ARHGAP39: variants seen among roughly 807,000 people sequenced by gnomAD.
The protein encoded by ARHGAP39 is Rho GTPase activating protein 39.
A neutral mutation model predicts 106.9 loss-of-function variants in ARHGAP39; 44 were observed. The observed-to-expected ratio is 0.41, with a 90% confidence interval of 0.32 to 0.53. The LOEUF is 0.53. Among genes scored for constraint, ARHGAP39 ranks in the 20% least tolerant of loss-of-function variants. The pLI, the probability that ARHGAP39 is intolerant of heterozygous loss-of-function variation, is 0.21. For synonymous variants in ARHGAP39, 768 were observed against 693.2 expected, an observed-to-expected ratio of 1.11 and a Z score of -1.69; for missense variants, 1,496 against 1,577.3, an observed-to-expected ratio of 0.95 and a Z score of 0.87.
intron 2 of ARHGAP39, chr8:144,584,046 T>C (rs1297037387): frequency 6.6e-6 from 1 of 152,240 alleles, no homozygotes; most frequent in African/African-American, 2.4e-5. Context: ...CAGTTTATAA[T>C]GAGATAAAGT....
intron 10 of ARHGAP39, among the ~76,000 whole-genome samples, chr8:144,531,407 G>A (rs1400055377): frequency 5.6e-4 from 1 of 1,770 alleles, no homozygotes; most frequent in African/African-American, 7.1e-3. Flanking sequence ...TAGCAGGCAC[G>A]GCAGAAGGGC....
rs1220398805 is a variant in ARHGAP39, at chr8:144,545,750, G to T, written c.2020C>A (p.Pro674Thr). 11 of 1,609,180 alleles carry T rather than the reference G, an allele frequency of 6.8e-6. No individual in the cohort carries two copies. The highest frequency in any genetic ancestry group is 9.3e-6 in the Non-Finnish European group (11 of 1,178,572). Residue 674 changes from proline to threonine, a missense_variant, in exon 6 of 12, where the codon CCC (proline) becomes ACC (threonine). This residue lies in a region of ARHGAP39 where 905 missense variants were observed against 816.4 expected (regional missense o/e 1.11). Transcript: ENST00000377307. ...ESSRQSRSGV[P>T]SSSCVFPTFT... The stretch of plus-strand genomic sequence containing the variant: ...GTGGGGAAGACGCAGCTGGAGCTGG[G>T]AACGCCGCTGCGGCTCTGCCGGCTG...
chr8:144,534,363 C>G (rs1002479853), intron 7 of ARHGAP39, among the ~76,000 whole-genome samples, 161 bp from the exon 8 acceptor site: 1 of 152,170 alleles, frequency 6.6e-6, no homozygotes, highest in African/African-American at 2.4e-5. Context: ...CTCTCCCAGG[C>G]AGTGTCCTTT....
intron 3 of ARHGAP39, among the ~76,000 whole-genome samples, chr8:144,570,864 A>G (rs1818563020): frequency 6.6e-6 from 1 of 152,196 alleles, no homozygotes. Flanking sequence ...CTCTACACAA[A>G]TAAAATAGAA....
At chr8:144,607,745 C>A (rs1287031577) in intron 1 of ARHGAP39, among the ~76,000 whole-genome samples, 1 of 152,268 alleles carries the variant, frequency 6.6e-6, no homozygotes, top group African/African-American at 2.4e-5. Flanking sequence ...CCTACCTACA[C>A]TCACGCCGCT....
Position 144,602,257 on chromosome 8 carries a change from G to C in ARHGAP39, c.80+3278C>G, listed in dbSNP as rs559249028. 5.7e-4 allele frequency among the ~76,000 whole-genome samples: 77 copies of C among 134,544 alleles called. 1 individual carries two copies. The highest frequency in any genetic ancestry group is 2.1e-3 in the African/African-American group (71 of 34,250). The allele number at this position is 134,544 out of a possible 152,430, so 88.3% of individuals were successfully genotyped here. ...CATGTGCGTGGAGGTGTGTGTGTGA[G>C]CTCATGTACCTGTGTGTGTGCGTGG... On this transcript the variant is annotated intron_variant, in intron 2 of 11. Transcript: ENST00000377307.
intron 1 of ARHGAP39, among the ~76,000 whole-genome samples, chr8:144,640,311 C>T (rs1018855778): frequency 2.4e-4 from 36 of 152,162 alleles, no homozygotes; most frequent in Middle Eastern, 6.3e-3. Context: ...CCATAATTCC[C>T]ACATGTTGGG....
chr8:144,641,006 T>C lies in ARHGAP39; in HGVS notation c.-81-35311A>G, dbSNP rs1284040544. The stretch of plus-strand genomic sequence containing the variant: ...GTCCCACTCTTCATCTATATAGACA[T>C]TACTCTATTTCTTATTTCCTACAAT... On this transcript the variant is annotated intron_variant, in intron 1 of 11. Coordinates refer to ENST00000377307, the MANE Select transcript of ARHGAP39 (RefSeq NM_025251.3). The surrounding 1 kb of genome is among the most constrained non-coding windows in gnomAD (Gnocchi z 5.2). Among the ~76,000 whole-genome samples, 2 of 152,174 alleles carry C rather than the reference T, an allele frequency of 1.3e-5. No individual in the cohort carries two copies.
At chr8:144,546,387 G>A (rs950795217) in intron 5 of ARHGAP39, among the ~76,000 whole-genome samples, 6 of 152,134 alleles carry the variant, frequency 3.9e-5, no homozygotes, top group South Asian at 2.1e-4. Context: ...ATCACGGACC[G>A]GAAGCTGCTC....
At chr8:144,689,416 T>C (rs1489136266), upstream of ARHGAP39, among the ~76,000 whole-genome samples, 1 of 144,686 alleles carries the variant, frequency 6.9e-6, no homozygotes, top group African/African-American at 2.5e-5. Flanking sequence ...AAATTTACCA[T>C]CTTAACCATC....
At chr8:144,611,874 TG>T (rs1379576476) in intron 1 of ARHGAP39, among the ~76,000 whole-genome samples, 1 of 151,834 alleles carries the variant, frequency 6.6e-6, no homozygotes, top group Non-Finnish European at 1.5e-5. Flanking sequence ...CCAGACATGG[TG>T]GGGTGCACTT....
At chr8:144,619,923 CGTGT>C (rs1371412703) in intron 1 of ARHGAP39, among the ~76,000 whole-genome samples, 2 of 92,660 alleles carry the variant, frequency 2.2e-5, no homozygotes, top group East Asian at 3.9e-4. Context: ...TGCCCGTGTG[CGTGT>C]GAGCCTGTGT....
chr8:144,590,429 C>T (rs1819347990), intron 2 of ARHGAP39, among the ~76,000 whole-genome samples: 2 of 152,152 alleles, frequency 1.3e-5, no homozygotes, highest in Admixed American at 6.5e-5. Context: ...TGAGTGAGTT[C>T]TTGTGAGATC....
chr8:144,693,485 T>C, the ARHGAP39 span, among the ~76,000 whole-genome samples: 1 of 152,194 alleles, frequency 6.6e-6, no homozygotes, highest in Middle Eastern at 3.2e-3. Context: ...GCCATTCTCC[T>C]GCCTCAGCCT....
intron 2 of ARHGAP39, among the ~76,000 whole-genome samples, chr8:144,587,812 G>A (rs1819238437): frequency 1.3e-5 from 2 of 152,108 alleles, no homozygotes; most frequent in Admixed American, 6.5e-5. Flanking sequence ...GTGCCACCAC[G>A]CCTGGCTAAC....
chr8:144,623,469 T>C lies in ARHGAP39; in HGVS notation c.-81-17774A>G, dbSNP rs144866469. On this transcript the variant is annotated intron_variant, in intron 1 of 11. Coordinates refer to ENST00000377307, the MANE Select transcript of ARHGAP39 (RefSeq NM_025251.3). ...GGCAGGAAATTCTAAAAGTCAAGAA[T>C]GGAAGAGACAGAGCTGATGCGGCTC... 7.6e-3 allele frequency among the ~76,000 whole-genome samples: 1,158 copies of C among 152,252 alleles called. 6 individuals are homozygous for C. Among genetic ancestry groups the C allele is most frequent in the South Asian group, 0.012 (60 of 4,830 alleles).
chr8:144,583,298 A>G (rs1819067180), intron 2 of ARHGAP39, among the ~76,000 whole-genome samples: 1 of 152,182 alleles, frequency 6.6e-6, no homozygotes, highest in South Asian at 2.1e-4. Flanking sequence ...TTTTTGTTTT[A>G]TAATTTCATA....
chr8:144,656,164 TAATA>T (rs1821687371), intron 1 of ARHGAP39, among the ~76,000 whole-genome samples: 1 of 137,922 alleles, frequency 7.3e-6, no homozygotes, highest in Admixed American at 7.4e-5. Context: ...ATGTAAAATG[TAATA>T]AAGAGCACTA....
intron 1 of ARHGAP39, among the ~76,000 whole-genome samples, chr8:144,618,261 G>C (rs968784883): frequency 6.6e-6 from 1 of 152,336 alleles, no homozygotes; most frequent in Middle Eastern, 3.4e-3. Context: ...TCCTGGTGTG[G>C]GGCTGGGGCC....
Sources: gnomAD v4.1 joint callset for allele counts (sites outside exome capture counted in the v4.1 genomes callset) on GRCh38, gnomAD v4.1.1 for gene constraint, gnomAD v4.1.1 regional missense constraint, Gnocchi (gnomAD v3.1) non-coding constraint, MANE v1.5 for transcripts, NCBI Gene and HGNC (gene_info 2026-07-23, HGNC 2026-07-21) for gene names.